CDC14A: variants seen among roughly 807,000 people sequenced by gnomAD.
CDC14A encodes the protein cell division cycle 14A.
CDC14A carries 53 observed loss-of-function variants against 74.4 expected under a neutral mutation model. That is an observed-to-expected ratio of 0.71 (90% CI 0.57 to 0.89). CDC14A has a LOEUF of 0.89. CDC14A is among the 40% of genes least tolerant of loss of function. The pLI, the probability that CDC14A is intolerant of heterozygous loss-of-function variation, is 0.00. For missense variants in CDC14A, 646 were observed against 713.7 expected (o/e 0.91, Z 1.08); for synonymous variants, 247 against 258.4 (o/e 0.96, Z 0.43).
At position 100,353,839 on chromosome 1, in the gene CDC14A, C is replaced by A; in HGVS notation, c.127C>A (p.Leu43Met). The change falls in exon 2 of 16, where the codon CTG becomes ATG. Residue 43 changes from leucine to methionine, a missense_variant. Coordinates refer to ENST00000336454, the MANE Select transcript of CDC14A (RefSeq NM_003672.4). ...CCACTATTTCTCCATCGATGAGGAG[C>A]TGGTCTATGAAAAGTAAGTTTATGT... ...NTHYFSIDEELVYENFYADFG... is the reference protein window; with the variant it reads ...NTHYFSIDEEMVYENFYADFG... 6.2e-7 allele frequency: 1 copy of A among 1,601,152 alleles called. No homozygotes were observed. Among genetic ancestry groups the A allele is most frequent in the Non-Finnish European group, 8.5e-7 (1 of 1,170,312 alleles).
intron 7 of CDC14A, among the ~76,000 whole-genome samples, chr1:100,448,565 G>A (rs1665800031): frequency 6.6e-6 from 1 of 152,200 alleles, no homozygotes; most frequent in African/African-American, 2.4e-5. Flanking sequence ...TCAACACCCT[G>A]TGATGATAGC....
chr1:100,410,644 A>G (rs181616190), intron 4 of CDC14A, among the ~76,000 whole-genome samples: 25 of 152,342 alleles, frequency 1.6e-4, no homozygotes, highest in African/African-American at 5.5e-4. Context: ...ACAAAACCCA[A>G]AAACATTTGG....
At chr1:100,417,170 A>C (rs770881436) in intron 4 of CDC14A, among the ~76,000 whole-genome samples, 1 of 152,208 alleles carries the variant, frequency 6.6e-6, no homozygotes, top group Non-Finnish European at 1.5e-5. Context: ...TTGGGTTGCC[A>C]AAAAGACTGT....
chr1:100,389,628 T>G (rs1455883619), intron 3 of CDC14A, among the ~76,000 whole-genome samples: 1 of 150,426 alleles, frequency 6.6e-6, no homozygotes, highest in Non-Finnish European at 1.5e-5. Context: ...GATGGAAGAG[T>G]TTTTTTTTAA....
intron 13 of CDC14A, among the ~76,000 whole-genome samples, chr1:100,497,411 A>C (rs972303342): frequency 2.0e-5 from 3 of 152,212 alleles, no homozygotes; most frequent in Non-Finnish European, 4.4e-5. Flanking sequence ...GGACCTGTCC[A>C]GATTTTGGAG....
At chr1:100,364,177 A>T (rs1653208502) in intron 2 of CDC14A, among the ~76,000 whole-genome samples, 1 of 151,906 alleles carries the variant, frequency 6.6e-6, no homozygotes, top group Non-Finnish European at 1.5e-5. Flanking sequence ...TCATACACAG[A>T]CTTCATCATT....
chr1:100,499,754 A>T (rs1037066392), intron 15 of CDC14A, among the ~76,000 whole-genome samples: 1 of 152,208 alleles, frequency 6.6e-6, no homozygotes, highest in African/African-American at 2.4e-5. Flanking sequence ...AGTGAACAGT[A>T]TCTTCCTAGA....
intron 8 of CDC14A, among the ~76,000 whole-genome samples, chr1:100,459,561 A>C (rs1359948002): frequency 2.0e-5 from 3 of 152,058 alleles, no homozygotes; most frequent in African/African-American, 7.2e-5. Context: ...TAGTCATTTG[A>C]CTCTGCTGTT....
At chr1:100,385,002 C>T (rs1438010643) in intron 3 of CDC14A, among the ~76,000 whole-genome samples, 2 of 152,182 alleles carry the variant, frequency 1.3e-5, no homozygotes, top group African/African-American at 2.4e-5. Flanking sequence ...GGACTTGTTC[C>T]TAAGGTGTTA....
At chr1:100,420,057 C>CATAT (rs1383225482) in intron 4 of CDC14A, among the ~76,000 whole-genome samples, 12 of 30,560 alleles carry the variant, frequency 3.9e-4, no homozygotes, top group Admixed American at 1.5e-3. Flanking sequence ...CACACACACA[C>CATAT]ACACACATAT....
chr1:100,474,077 A>G lies in CDC14A; in HGVS notation c.977+5983A>G, dbSNP rs78796720. On this transcript the variant is annotated intron_variant, in intron 10 of 15. Coordinates refer to ENST00000336454, the MANE Select transcript of CDC14A (RefSeq NM_003672.4). ...CATGAATGAGTGTTGAATCTTGTCA[A>G]ATACTTTTTTGGCATTGATTGATAT... is the stretch of plus-strand genomic sequence containing the variant. Among the ~76,000 whole-genome samples, 992 of 152,196 alleles carry G rather than the reference A, an allele frequency of 6.5e-3. 10 individuals carry two copies. Among genetic ancestry groups the G allele is most frequent in the African/African-American group, 0.023 (950 of 41,528 alleles).
At chr1:100,431,686 A>C (rs1040790630) in intron 5 of CDC14A, among the ~76,000 whole-genome samples, 8 of 152,014 alleles carry the variant, frequency 5.3e-5, no homozygotes, top group Non-Finnish European at 1.0e-4. Flanking sequence ...TACAAAAAAA[A>C]AATAAAAATA....
At chr1:100,440,521 A>T (rs1239768962) in intron 6 of CDC14A, among the ~76,000 whole-genome samples, 1 of 152,148 alleles carries the variant, frequency 6.6e-6, no homozygotes, top group African/African-American at 2.4e-5. Context: ...AAACTAGAAG[A>T]TTTCTGAGAG....
intron 2 of CDC14A, among the ~76,000 whole-genome samples, chr1:100,365,104 A>G (rs889068640): frequency 6.6e-6 from 1 of 152,236 alleles, no homozygotes; most frequent in African/African-American, 2.4e-5. Context: ...TCCTTCCTTT[A>G]TGATCTCAAC....
intron 4 of CDC14A, among the ~76,000 whole-genome samples, chr1:100,419,400 C>T (rs1661974332): frequency 2.6e-5 from 4 of 152,212 alleles, no homozygotes. Context: ...CAAGTGAGTG[C>T]TCTGCACTGG....
At chr1:100,511,397 C>T (rs552919580) in intron 15 of CDC14A, among the ~76,000 whole-genome samples, 8 of 152,262 alleles carry the variant, frequency 5.3e-5, no homozygotes, top group South Asian at 2.1e-4. Flanking sequence ...AGATTACTGC[C>T]GACTTCTTCA....
intron 3 of CDC14A, among the ~76,000 whole-genome samples, chr1:100,390,244 T>G (rs114977608): frequency 0.015 from 2,323 of 152,342 alleles, 63 homozygotes; most frequent in African/African-American, 0.053. Flanking sequence ...GGTTGTTATA[T>G]AACATCCCAG....
chr1:100,374,959 G>A (rs1341251617), intron 2 of CDC14A, among the ~76,000 whole-genome samples: 1 of 152,244 alleles, frequency 6.6e-6, no homozygotes, highest in Non-Finnish European at 1.5e-5. Flanking sequence ...GTCCCTGACA[G>A]AGAGACTTAC....
intron 15 of CDC14A, among the ~76,000 whole-genome samples, chr1:100,515,734 T>A (rs184250472): frequency 6.6e-6 from 1 of 152,344 alleles, no homozygotes; most frequent in Admixed American, 6.5e-5. Context: ...TGAAAGGAAG[T>A]TAATTTGTTA....
Sources: gnomAD v4.1 joint callset for allele counts (sites outside exome capture counted in the v4.1 genomes callset) on GRCh38, gnomAD v4.1.1 for gene constraint, MANE v1.5 for transcripts, NCBI Gene and HGNC (gene_info 2026-07-23, HGNC 2026-07-21) for gene names.